Variants in LRRC53 observed in about 807,000 individuals in gnomAD.
LRRC53 encodes the protein leucine rich repeat containing 53.
In LRRC53, 25 loss-of-function variants were observed where a neutral mutation model predicts 13.6. The ratio of observed to expected loss-of-function variants is 1.83; its 90% confidence interval spans 1.34 to 2.56. LRRC53 has a LOEUF of 2.56. LRRC53 is among the 30% of genes most tolerant of loss of function. The pLI is 0.00. For synonymous variants in LRRC53, 204 were observed against 109.8 expected (o/e 1.86, Z -5.37); for missense variants, 527 against 275.8 (o/e 1.91, Z -6.45).
intron 1 of LRRC53, among the ~76,000 whole-genome samples, chr1:74,512,323 TA>T (rs1285367026): frequency 2.0e-5 from 3 of 152,180 alleles, no homozygotes; most frequent in Non-Finnish European, 1.5e-5. Context: ...GATTGGCCCC[TA>T]GAACTGTGCA....
At chr1:74,499,338 G>A (rs1160897751) in intron 1 of LRRC53, among the ~76,000 whole-genome samples, 2 of 152,108 alleles carry the variant, frequency 1.3e-5, no homozygotes, top group South Asian at 2.1e-4. Context: ...TAGAAACAGA[G>A]TTTTACTATG....
At chr1:74,489,071 A>G in intron 1 of LRRC53, 1 of 782,124 alleles carries the variant, frequency 1.3e-6, no homozygotes. Flanking sequence ...ATTTTAAATA[A>G]AAATATACTT....
chr1:74,475,615 A>G lies in LRRC53; in HGVS notation c.1100T>C (p.Met367Thr), dbSNP rs749956371. The G allele has an allele frequency of 2.8e-6, 2 of 717,284 alleles. No individual in the cohort carries two copies. The highest frequency in any genetic ancestry group is 2.6e-6 in the Non-Finnish European group (1 of 384,922). 44.4% of individuals were successfully genotyped at this position (717,284 alleles called of 1,614,324 possible). Residue 367 changes from methionine (M) to threonine (T), a missense_variant, in exon 4 of 5, where the codon ATG (methionine) becomes ACG (threonine). By Grantham distance (81) the Met-to-Thr change is moderately conservative. Transcript: ENST00000294635. Reference sequence around the variant, plus strand: ...TTCTTTTCTGGACCCCACAGTGGACATGACCTTTATCTCGTTTTCCTGAGT... The same window carrying G: ...TTCTTTTCTGGACCCCACAGTGGACGTGACCTTTATCTCGTTTTCCTGAGT... ...HLTQENEIKV[M>T]STVGSRKEMP...
chr1:74,523,786 A>T, the LRRC53 span, among the ~76,000 whole-genome samples: 2,882 of 152,270 alleles, frequency 0.019, 85 homozygotes, highest in African/African-American at 0.064. Flanking sequence ...TTCTTTTTTT[A>T]AAATTATACT....
chr1:74,487,534 T>C (rs959611169), intron 1 of LRRC53, among the ~76,000 whole-genome samples: 1 of 152,096 alleles, frequency 6.6e-6, no homozygotes, highest in Non-Finnish European at 1.5e-5. Context: ...ATTCTTTCAG[T>C]ACTGTACCAA....
chr1:74,491,618 T>C (rs956922840), intron 1 of LRRC53, among the ~76,000 whole-genome samples: 5 of 152,194 alleles, frequency 3.3e-5, no homozygotes, highest in Non-Finnish European at 7.3e-5. Flanking sequence ...GGAAAAGACT[T>C]GCCACACATT....
the LRRC53 span, among the ~76,000 whole-genome samples, chr1:74,525,484 T>C: frequency 1.3e-5 from 2 of 152,128 alleles, no homozygotes; most frequent in Non-Finnish European, 2.9e-5. Flanking sequence ...CTTGGCCAAC[T>C]GCATAGAACA....
At chr1:74,534,418 A>T in the LRRC53 span, among the ~76,000 whole-genome samples, 2 of 152,308 alleles carry the variant, frequency 1.3e-5, no homozygotes, top group Non-Finnish European at 2.9e-5. Flanking sequence ...TATTCTGAGA[A>T]TTCATGAAAT....
the LRRC53 span, among the ~76,000 whole-genome samples, chr1:74,532,078 A>G: frequency 0.41 from 61,938 of 152,150 alleles, 14,991 homozygotes; most frequent in Non-Finnish European, 0.56. Context: ...TCTGCTCAAC[A>G]TAGCCCAGGC....
At position 74,484,102 on chromosome 1, in the gene LRRC53, A is replaced by G. The variant is rs376869988; in HGVS notation, c.-26-727T>C. Reference sequence around the variant, plus strand: ...TACTCTAAGTGTTTAGTAAATGTTAAACTTTACCTTTATTTTAAAGCTTTC... The same window carrying G: ...TACTCTAAGTGTTTAGTAAATGTTAGACTTTACCTTTATTTTAAAGCTTTC... On this transcript the variant is annotated intron_variant, in intron 1 of 4. Coordinates refer to ENST00000294635, the MANE Select transcript of LRRC53 (RefSeq NM_001382280.1). Among the ~76,000 whole-genome samples, 16 of 152,044 alleles carry G rather than the reference A, an allele frequency of 1.1e-4. No homozygotes were observed. The East Asian group carries it at 1.5e-3, about 15-fold the overall frequency.
At chr1:74,533,087 C>T in the LRRC53 span, among the ~76,000 whole-genome samples, 1 of 152,128 alleles carries the variant, frequency 6.6e-6, no homozygotes, top group Admixed American at 6.6e-5. Context: ...AACTAAAGAG[C>T]TTCTGCACAG....
Position 74,506,083 on chromosome 1 carries a change from G to A in LRRC53, c.-27+6443C>T, listed in dbSNP as rs138388459. ...GTGTCACCAGATGCTAACACAGCCCGGGTCCTAGGGGGATATGATGTAGAT... is the reference window on the plus strand; with the variant it reads ...GTGTCACCAGATGCTAACACAGCCCAGGTCCTAGGGGGATATGATGTAGAT... On this transcript the variant is annotated intron_variant, in intron 1 of 4. Transcript: ENST00000294635. Among the ~76,000 whole-genome samples the A allele has an allele frequency of 3.9e-3, 593 of 152,202 alleles. 3 individuals are homozygous for A. Among genetic ancestry groups the A allele is most frequent in the Non-Finnish European group, 7.1e-3 (483 of 68,002 alleles).
chr1:74,493,733 A>G (rs894860116), intron 1 of LRRC53, among the ~76,000 whole-genome samples: 1 of 152,202 alleles, frequency 6.6e-6, no homozygotes, highest in Admixed American at 6.5e-5. Context: ...ACATAGAAAA[A>G]TGTACTACCT....
chr1:74,534,485 A>G, the LRRC53 span, among the ~76,000 whole-genome samples: 1 of 152,238 alleles, frequency 6.6e-6, no homozygotes, highest in South Asian at 2.1e-4. Context: ...GGCAGGCTGT[A>G]GTTTGGAAGC....
the LRRC53 span, among the ~76,000 whole-genome samples, chr1:74,533,864 AG>A: frequency 6.6e-6 from 1 of 152,340 alleles, no homozygotes; most frequent in Middle Eastern, 3.4e-3. Flanking sequence ...TTGAACAATG[AG>A]AAGACATGTG....
At chr1:74,500,672 C>T (rs1669578533) in intron 1 of LRRC53, among the ~76,000 whole-genome samples, 1 of 123,144 alleles carries the variant, frequency 8.1e-6, no homozygotes, top group Non-Finnish European at 1.7e-5. Context: ...ATTTAAGCCT[C>T]ACTCTGTTGG....
At chr1:74,488,169 T>C (rs1668863923) in intron 1 of LRRC53, among the ~76,000 whole-genome samples, 1 of 152,160 alleles carries the variant, frequency 6.6e-6, no homozygotes, top group South Asian at 2.1e-4. Flanking sequence ...TCTGGTGGTA[T>C]AGCCTGACAA....
At chr1:74,511,861 G>A (rs1343230728) in intron 1 of LRRC53, among the ~76,000 whole-genome samples, 1 of 152,126 alleles carries the variant, frequency 6.6e-6, no homozygotes, top group Non-Finnish European at 1.5e-5. Context: ...GACAAAGGCA[G>A]GAAAGTGGGA....
chr1:74,498,565 A>C (rs1195690615), intron 1 of LRRC53, among the ~76,000 whole-genome samples: 1 of 152,156 alleles, frequency 6.6e-6, no homozygotes, highest in African/African-American at 2.4e-5. Context: ...AAACTAGGAA[A>C]ATTATTAGTT....
Sources: allele counts gnomAD v4.1 joint callset (sites outside exome capture counted in the v4.1 genomes callset), GRCh38; gene constraint gnomAD v4.1.1; transcripts MANE v1.5; gene names NCBI Gene and HGNC (gene_info 2026-07-23, HGNC 2026-07-21).